Variants in KIF21A observed in about 807,000 individuals in gnomAD.
The protein encoded by KIF21A is kinesin family member 21A, also known as kinesin-like protein KIF21A.
A neutral mutation model predicts 202.9 loss-of-function variants in KIF21A; 114 were observed. The ratio of observed to expected loss-of-function variants is 0.56; its 90% CI spans 0.48 to 0.66. The LOEUF is 0.66. KIF21A is among the 30% of genes least tolerant of loss of function. KIF21A has a pLI of 0.00. For missense variants in KIF21A, 1,677 were observed against 1,994.9 expected (o/e 0.84, Z 3.04); for synonymous variants, 667 against 670.8 (o/e 0.99, Z 0.09).
chr12:39,436,694 G>T (rs568309827), intron 1 of KIF21A, among the ~76,000 whole-genome samples: 1 of 145,736 alleles, frequency 6.9e-6, no homozygotes, highest in African/African-American at 2.5e-5. Flanking sequence ...CCTTCAGAAA[G>T]ATCTCATAAT....
At chr12:39,363,848 T>C (rs1949419105) in intron 6 of KIF21A, among the ~76,000 whole-genome samples, 1 of 152,128 alleles carries the variant, frequency 6.6e-6, no homozygotes, top group Admixed American at 6.6e-5. Flanking sequence ...GGAAACCCCA[T>C]CTCTACTGAA....
At chr12:39,414,037 CAT>C (rs1488323257) in intron 1 of KIF21A, among the ~76,000 whole-genome samples, 2 of 152,150 alleles carry the variant, frequency 1.3e-5, no homozygotes, top group Non-Finnish European at 2.9e-5. Flanking sequence ...TGAACATAAA[CAT>C]ATGTTTCAGT....
intron 1 of KIF21A, among the ~76,000 whole-genome samples, chr12:39,389,179 TACACACACACACACACAC>T (rs10632410): frequency 2.2e-4 from 31 of 142,088 alleles, no homozygotes; most frequent in African/African-American, 7.6e-4. Context: ...TAAATACACA[TACACACACACACACACAC>T]ACACACACAC....
intron 1 of KIF21A, among the ~76,000 whole-genome samples, chr12:39,403,440 TAC>T (rs1242294328): frequency 3.3e-5 from 5 of 152,232 alleles, no homozygotes; most frequent in Non-Finnish European, 5.9e-5. Flanking sequence ...TTTAAAAATG[TAC>T]ACACACTTTT....
intron 33 of KIF21A, among the ~76,000 whole-genome samples, 173 bp downstream of exon 33, chr12:39,309,413 T>C (rs572414089): frequency 6.6e-6 from 1 of 152,040 alleles, no homozygotes; most frequent in Non-Finnish European, 1.5e-5. Flanking sequence ...TTGTCAAATT[T>C]TCCCCCCTCT....
At chr12:39,425,417 T>C (rs983732480) in intron 1 of KIF21A, among the ~76,000 whole-genome samples, 2 of 152,088 alleles carry the variant, frequency 1.3e-5, no homozygotes, top group Non-Finnish European at 2.9e-5. Flanking sequence ...CGAAGTAAAT[T>C]ATATTTTTCA....
chr12:39,435,661 C>T (rs957428181), intron 1 of KIF21A, among the ~76,000 whole-genome samples: 1 of 151,844 alleles, frequency 6.6e-6, no homozygotes, highest in Non-Finnish European at 1.5e-5. Flanking sequence ...CTCACTCCAC[C>T]CCACCCCCAC....
intron 1 of KIF21A, among the ~76,000 whole-genome samples, chr12:39,387,737 T>C (rs1250084527): frequency 2.6e-5 from 4 of 152,022 alleles, no homozygotes; most frequent in African/African-American, 9.7e-5. Context: ...ACCACAAGAA[T>C]CCACATCAGA....
intron 1 of KIF21A, among the ~76,000 whole-genome samples, chr12:39,422,614 T>G (rs1403138502): frequency 6.6e-6 from 1 of 152,192 alleles, no homozygotes; most frequent in Non-Finnish European, 1.5e-5. Context: ...TTAGCCACTT[T>G]TTCCCAGTTA....
intron 10 of KIF21A, among the ~76,000 whole-genome samples, chr12:39,356,407 T>C (rs1038436128): frequency 7.2e-5 from 11 of 152,176 alleles, no homozygotes; most frequent in African/African-American, 2.4e-4. Flanking sequence ...AGGTATGCCA[T>C]GATTTACATG....
At chr12:39,436,335 G>A (rs1480875599) in intron 1 of KIF21A, among the ~76,000 whole-genome samples, 3 of 148,578 alleles carry the variant, frequency 2.0e-5, no homozygotes, top group African/African-American at 5.0e-5. Context: ...CAACTATCTC[G>A]AAGAAGGGGC....
intron 33 of KIF21A, among the ~76,000 whole-genome samples, chr12:39,309,154 C>T (rs1358613633): frequency 1.3e-5 from 2 of 152,144 alleles, no homozygotes; most frequent in African/African-American, 2.4e-5. Context: ...ACACTCTCAG[C>T]TTTTCAATCT....
rs1949602607 is a variant in KIF21A, at chr12:39,366,334, A to G, written c.903+16T>C. 6.2e-7 allele frequency: 1 copy of G among 1,610,444 alleles called. No individual in the cohort carries two copies. Among genetic ancestry groups the G allele is most frequent in the Non-Finnish European group, 8.5e-7 (1 of 1,176,654 alleles). ...AAAAGCTCTGATATATTCTCAGCAC[A>G]AAGCCTTAATCTTACAAGTCCACAG... On this transcript the variant is annotated intron_variant, in intron 6 of 37. Transcript: ENST00000361418.
chr12:39,328,259 A>G (rs1342231935), intron 24 of KIF21A, among the ~76,000 whole-genome samples: 1 of 152,062 alleles, frequency 6.6e-6, no homozygotes, highest in Non-Finnish European at 1.5e-5. Flanking sequence ...GACAGAAGGT[A>G]CATATGTCAC....
chr12:39,361,525 T>TC (rs999870749), intron 7 of KIF21A, among the ~76,000 whole-genome samples: 2 of 147,348 alleles, frequency 1.4e-5, no homozygotes, highest in African/African-American at 5.0e-5. Context: ...TTTCTTTCTT[T>TC]TTTTTTTTTT....
Position 39,442,901 on chromosome 12 carries a change from GCC to G in KIF21A, c.44+24_44+25del, listed in dbSNP as rs1263143079. On this transcript the variant is annotated intron_variant, in intron 1 of 37. Coordinates refer to ENST00000361418, the MANE Select transcript of KIF21A (RefSeq NM_001173464.2). The surrounding 1 kb of genome is among the most constrained non-coding windows in gnomAD (Gnocchi z 5.0). ...CCGCGCCCTCAACCCGCCGCCCGCC[GCC>G]CGCCGCCGGCAGACTGTCCTCACCT... 1 of 1,523,144 alleles carries G rather than the reference GCC, an allele frequency of 6.6e-7. No individual in the cohort carries two copies. The highest frequency in any genetic ancestry group is 2.5e-5 in the East Asian group (1 of 39,676). The allele number at this position is 1,523,144 out of a possible 1,614,324, so 94.4% of individuals were successfully genotyped here. A position where few individuals can be genotyped will look rare whatever the true frequency, so the allele number is the denominator to read the frequency against.
At chr12:39,348,033 TA>T (rs1948051032) in intron 11 of KIF21A, among the ~76,000 whole-genome samples, 1 of 152,058 alleles carries the variant, frequency 6.6e-6, no homozygotes, top group Non-Finnish European at 1.5e-5. Flanking sequence ...ATTTTCAATA[TA>T]GAGACTTTTG....
At chr12:39,390,561 G>C (rs139560966) in intron 1 of KIF21A, among the ~76,000 whole-genome samples, 258 of 151,960 alleles carry the variant, frequency 1.7e-3, no homozygotes, top group African/African-American at 5.8e-3. Flanking sequence ...CAACATTGTG[G>C]GATAAACTTC....
At position 39,341,052 on chromosome 12, in the gene KIF21A, G is replaced by A; in HGVS notation, c.1964C>T (p.Ala655Val). The change falls in exon 15 of 38, where the codon GCA becomes GTA. Residue 655 changes from alanine (A) to valine (V), a missense_variant. Coordinates refer to ENST00000361418, the MANE Select transcript of KIF21A (RefSeq NM_001173464.2). ...TTCATCAATCAGCTTTTGCTTAATT[G>A]CAATTTCACAAGTAATGTTTGCCAA... ...ADLANITCEI[A>V]IKQKLIDELE... 6.2e-7 allele frequency: 1 copy of A among 1,611,134 alleles called. No homozygotes were observed. Among genetic ancestry groups the A allele is most frequent in the Middle Eastern group, 1.7e-4 (1 of 6,054 alleles).
Sources: gnomAD v4.1 joint callset for allele counts (sites outside exome capture counted in the v4.1 genomes callset) on GRCh38, gnomAD v4.1.1 for gene constraint, Gnocchi (gnomAD v3.1) non-coding constraint, MANE v1.5 for transcripts, NCBI Gene and HGNC (gene_info 2026-07-23, HGNC 2026-07-21) for gene names.